Variants in SRP54 observed in about 807,000 individuals in gnomAD.
SRP54 encodes signal recognition particle subunit SRP54.
Under a neutral mutation model 64.8 loss-of-function variants are expected in SRP54, and 10 were observed. The observed-to-expected ratio is 0.15, with a 90% CI of 0.10 to 0.26. The LOEUF is 0.26. Ranked by LOEUF, SRP54 falls within the 10% of genes least tolerant of loss-of-function variation. The probability of loss-of-function intolerance (pLI) is 1.00; values close to 1 mark genes in which losing one functional copy is unlikely to be tolerated. For missense variants in SRP54, 325 were observed against 613.7 expected (o/e 0.53, Z 4.97); for synonymous variants, 193 against 185.6 (o/e 1.04, Z -0.32).
intron 4 of SRP54, among the ~76,000 whole-genome samples, chr14:35,004,104 G>A (rs996001505): frequency 8.6e-5 from 13 of 151,798 alleles, no homozygotes; most frequent in African/African-American, 3.1e-4. Context: ...AAAAAAATTA[G>A]CCATGTCTAG....
intron 13 of SRP54, among the ~76,000 whole-genome samples, chr14:35,020,631 T>C (rs960306614): frequency 6.6e-6 from 1 of 152,246 alleles, no homozygotes; most frequent in South Asian, 2.1e-4. Flanking sequence ...GTTTTCATAG[T>C]AGCCCAAATA....
intron 4 of SRP54, among the ~76,000 whole-genome samples, chr14:35,005,892 T>A (rs766883989): frequency 2.0e-5 from 3 of 152,176 alleles, no homozygotes; most frequent in Non-Finnish European, 2.9e-5. Flanking sequence ...CAGGCTGGAG[T>A]GCGGTGGCGC....
In SRP54 at chr14:35,029,297, C is replaced by T. The variant is rs1337299779; in HGVS notation, c.*145C>T. 3.9e-6 allele frequency: 2 copies of T among 511,178 alleles called. No homozygotes were observed. The highest frequency in any genetic ancestry group is 3.2e-5 in the South Asian group (1 of 31,334). 31.7% of individuals were successfully genotyped at this position (511,178 alleles called of 1,614,324 possible). On this transcript the variant is annotated 3_prime_UTR_variant, in exon 16 of 16. Coordinates refer to ENST00000216774, the MANE Select transcript of SRP54 (RefSeq NM_003136.4). ...TCCTTTTCTTCTCGCCCGCTTTTCC[C>T]CTCCTTTTCTTTTTCCTTCCTTCTT...
At chr14:35,026,181 T>A (rs1228927414) in intron 14 of SRP54, among the ~76,000 whole-genome samples, 2 of 66,690 alleles carry the variant, frequency 3.0e-5, no homozygotes, top group Non-Finnish European at 3.4e-5. Flanking sequence ...GTTGTTTTTT[T>A]ATTTATTGTT....
chr14:34,998,572 G>A lies in SRP54; in HGVS notation c.79-986G>A, dbSNP rs555682047. 2.6e-5 allele frequency among the ~76,000 whole-genome samples: 4 copies of A among 152,236 alleles called. No homozygotes were observed. In the East Asian group the frequency reaches 5.8e-4, roughly 22 times the overall value. ...CACACCTGTAATCCCAGCACTCTGG[G>A]AGGCTGAGGCGGGCGGATCACCTGA... On this transcript the variant is annotated intron_variant, in intron 2 of 15. Coordinates refer to ENST00000216774, the MANE Select transcript of SRP54 (RefSeq NM_003136.4).
chr14:35,013,968 G>T, intron 10 of SRP54, 66 bp downstream of exon 10: 1 of 1,162,010 alleles, frequency 8.6e-7, no homozygotes, highest in Non-Finnish European at 1.3e-6. Context: ...GGACAAAATA[G>T]GATTTTAATT....
chr14:35,003,767 C>G (rs1020834769), intron 4 of SRP54, among the ~76,000 whole-genome samples: 1 of 143,246 alleles, frequency 7.0e-6, no homozygotes, highest in African/African-American at 2.5e-5. Flanking sequence ...AACCCCATCA[C>G]TACAAAAAAT....
At chr14:35,028,617 A>C (rs550535307) in intron 15 of SRP54, among the ~76,000 whole-genome samples, 1 of 152,350 alleles carries the variant, frequency 6.6e-6, no homozygotes, top group Non-Finnish European at 1.5e-5. Flanking sequence ...ATGAGATAAT[A>C]TATATGAAGA....
intron 1 of SRP54, among the ~76,000 whole-genome samples, chr14:34,986,462 C>T (rs2043897155): frequency 6.6e-6 from 1 of 152,182 alleles, no homozygotes; most frequent in East Asian, 1.9e-4. Flanking sequence ...ATCCCAACCT[C>T]TAGTCTGTTG....
At chr14:35,027,822 A>G (rs569242816) in intron 14 of SRP54, 280 of 222,514 alleles carry the variant, frequency 1.3e-3, no homozygotes, top group Non-Finnish European at 2.2e-3. Flanking sequence ...AGATATAAAT[A>G]AAGTATTAGC....
At chr14:35,014,068 G>A (rs1317386657) in intron 10 of SRP54, among the ~76,000 whole-genome samples, 166 bp downstream of exon 10, 1 of 152,070 alleles carries the variant, frequency 6.6e-6, no homozygotes, top group African/African-American at 2.4e-5. Flanking sequence ...GCCCTCTGTG[G>A]TGAAAGTGGT....
At chr14:34,996,886 G>T in intron 2 of SRP54, 99 bp downstream of exon 2, 1 of 901,334 alleles carries the variant, frequency 1.1e-6, no homozygotes, top group Non-Finnish European at 1.8e-6. Context: ...GTATTTTGAT[G>T]TAGACTTAAT....
In SRP54 at chr14:35,008,917, C is replaced by T. The variant is rs1204108446; in HGVS notation, c.485+86C>T. ...TTTTTTTTTTTTTGAGACGGAGTCT[C>T]CCTCTGTCACCCAGGCTGGGGTGCA... On this transcript the variant is annotated intron_variant, in intron 7 of 15. Transcript: ENST00000216774. The T allele has an allele frequency of 7.8e-6, 8 of 1,029,278 alleles. No homozygotes were observed. The African/African-American group carries it at 9.0e-5, about 12-fold the overall frequency. The allele number at this position is 1,029,278 out of a possible 1,614,324, so 63.8% of individuals were successfully genotyped here.
chr14:35,007,573 T>C (rs1566649434), intron 5 of SRP54, among the ~76,000 whole-genome samples, 186 bp downstream of exon 5: 1 of 147,076 alleles, frequency 6.8e-6, no homozygotes, highest in Admixed American at 6.8e-5. Context: ...TATATTTACA[T>C]AAAATATATT....
chr14:35,003,069 C>T (rs964340478), intron 4 of SRP54, among the ~76,000 whole-genome samples: 2 of 151,864 alleles, frequency 1.3e-5, no homozygotes, highest in East Asian at 1.9e-4. Context: ...GTTAGGGGCT[C>T]GTAACTGTAG....
At chr14:35,024,365 T>C (rs970955354) in intron 14 of SRP54, among the ~76,000 whole-genome samples, 16 of 152,168 alleles carry the variant, frequency 1.1e-4, no homozygotes, top group African/African-American at 3.9e-4. Context: ...TTTCTCAATA[T>C]GTGTTTTTAC....
At chr14:34,996,064 C>CAAAAAAAAAA (rs201959550) in intron 1 of SRP54, among the ~76,000 whole-genome samples, 1 of 119,540 alleles carries the variant, frequency 8.4e-6, no homozygotes, top group Non-Finnish European at 1.7e-5. Flanking sequence ...GACCCTGTCT[C>CAAAAAAAAAA]AAAAAAAAAA....
Position 35,014,735 on chromosome 14 carries a change from A to G in SRP54, c.887-9A>G, listed in dbSNP as rs963464687. On this transcript the variant is annotated splice_polypyrimidine_tract_variant and intron_variant, in intron 10 of 15. Transcript: ENST00000216774. ...TTAGTTGTTAATTTTTCTTTTTTGT[A>G]TCTTATAGGTATGGGCGACATTGAA... 3 of 1,609,046 alleles carry G rather than the reference A, an allele frequency of 1.9e-6. No homozygotes were observed. The highest frequency in any genetic ancestry group is 2.2e-5 in the East Asian group (1 of 44,796).
chr14:34,987,565 A>G (rs1369551808), intron 1 of SRP54, among the ~76,000 whole-genome samples: 1 of 151,932 alleles, frequency 6.6e-6, no homozygotes, highest in Non-Finnish European at 1.5e-5. Context: ...GGGTTTTTTC[A>G]CTTATGTTTC....
Sources: gnomAD v4.1 joint callset for allele counts (sites outside exome capture counted in the v4.1 genomes callset) on GRCh38, gnomAD v4.1.1 for gene constraint, MANE v1.5 for transcripts, NCBI Gene and HGNC (gene_info 2026-07-23, HGNC 2026-07-21) for gene names.